The following VGLL3 variants were observed in gnomAD, a reference collection of about 807,000 sequenced individuals.
VGLL3 encodes vestigial like family member 3.
In VGLL3, 18 loss-of-function variants were observed where a neutral mutation model predicts 29.2. The observed-to-expected ratio is 0.62, with a 90% confidence interval of 0.43 to 0.91. VGLL3 has a LOEUF of 0.91. Ranked by LOEUF, VGLL3 falls within the 40% of genes least tolerant of loss-of-function variation. VGLL3 has a pLI of 0.00. For synonymous variants in VGLL3, 180 were observed against 151.8 expected (o/e 1.19, Z -1.36); for missense variants, 440 against 413.2 (o/e 1.06, Z -0.56).
chr3:86,940,536 T>A lies in VGLL3; in HGVS notation c.*6488A>T, dbSNP rs1575853889. ...TAAGATGTTGTAATTTCCAAAATAT[T>A]TATAAGATGCTTAATTGAATAAGGA... is the stretch of plus-strand genomic sequence containing the variant. On this transcript the variant is annotated 3_prime_UTR_variant, in exon 4 of 4. Transcript: ENST00000398399. 1 of 152,514 alleles carries A rather than the reference T, an allele frequency of 6.6e-6. No individual in the cohort carries two copies. Among genetic ancestry groups the A allele is most frequent in the Non-Finnish European group, 1.5e-5 (1 of 67,986 alleles). 9.4% of individuals were successfully genotyped at this position (152,514 alleles called of 1,614,324 possible). A position where few individuals can be genotyped will look rare whatever the true frequency, so the allele number is the denominator to read the frequency against.
At chr3:86,975,878 G>A (rs548693782) in intron 2 of VGLL3, among the ~76,000 whole-genome samples, 15 of 152,090 alleles carry the variant, frequency 9.9e-5, no homozygotes, top group South Asian at 2.1e-4. Context: ...TTGGGAGGCC[G>A]AGGCGGGCAG....
At chr3:86,962,003 A>G in intron 3 of VGLL3, 1 of 983,696 alleles carries the variant, frequency 1.0e-6, no homozygotes, top group Non-Finnish European at 1.2e-6. Flanking sequence ...CAATGTAAAT[A>G]AATTCATTTG....
chr3:86,967,508 C>T (rs557960907), intron 3 of VGLL3, among the ~76,000 whole-genome samples: 5 of 152,206 alleles, frequency 3.3e-5, no homozygotes, highest in East Asian at 3.9e-4. Flanking sequence ...AAAATAAGAA[C>T]GTTCCACTCA....
In VGLL3 at chr3:86,938,199, T is replaced by A. The variant is rs780070266; in HGVS notation, c.*8825A>T. 3.9e-5 allele frequency: 6 copies of A among 152,218 alleles called. No homozygotes were observed. The highest frequency in any genetic ancestry group is 7.3e-5 in the Non-Finnish European group (5 of 68,048). The allele number at this position is 152,218 out of a possible 1,614,324, so 9.4% of individuals were successfully genotyped here. On this transcript the variant is annotated 3_prime_UTR_variant, in exon 4 of 4. Coordinates refer to ENST00000398399, the MANE Select transcript of VGLL3 (RefSeq NM_016206.4). Reference sequence around the variant, plus strand: ...ATATTTAAGGTATACGATATGATGATTTGATATAGGTAAACATTGTGTAAT... The same window carrying A: ...ATATTTAAGGTATACGATATGATGAATTGATATAGGTAAACATTGTGTAAT...
chr3:86,942,418 A>G lies in VGLL3; in HGVS notation c.*4606T>C, dbSNP rs527743610. The G allele has an allele frequency of 5.3e-5, 8 of 151,516 alleles. No individual in the cohort carries two copies. The highest frequency in any genetic ancestry group is 2.6e-4 in the Admixed American group (4 of 15,196). The allele number at this position is 151,516 out of a possible 1,614,324, so 9.4% of individuals were successfully genotyped here. A position where few individuals can be genotyped will look rare whatever the true frequency, so the allele number is the denominator to read the frequency against. Reference sequence around the variant, plus strand: ...TTTCTTTTTTTCCTTGAGTAGAGTAAATCTGCTGACTGAGATCGTAAATGG... The same window carrying G: ...TTTCTTTTTTTCCTTGAGTAGAGTAGATCTGCTGACTGAGATCGTAAATGG... On this transcript the variant is annotated 3_prime_UTR_variant, in exon 4 of 4. Transcript: ENST00000398399.
At chr3:86,949,447 T>C (rs1407192775) in intron 3 of VGLL3, among the ~76,000 whole-genome samples, 2 of 152,172 alleles carry the variant, frequency 1.3e-5, no homozygotes, top group African/African-American at 4.8e-5. Context: ...CAGGCATTCA[T>C]ATTTGTAAAT....
At chr3:86,980,976 G>A (rs2107057308) in intron 1 of VGLL3, among the ~76,000 whole-genome samples, 1 of 152,232 alleles carries the variant, frequency 6.6e-6, no homozygotes, top group Non-Finnish European at 1.5e-5. Flanking sequence ...GTGGGGCTTT[G>A]CATATAAATG....
At chr3:86,959,470 A>G (rs965417975) in intron 3 of VGLL3, among the ~76,000 whole-genome samples, 5 of 152,176 alleles carry the variant, frequency 3.3e-5, no homozygotes, top group Admixed American at 1.3e-4. Flanking sequence ...TTAGTTGAGC[A>G]TCTACAATAT....
At chr3:86,964,553 T>C (rs545886658) in intron 3 of VGLL3, among the ~76,000 whole-genome samples, 1 of 152,298 alleles carries the variant, frequency 6.6e-6, no homozygotes, top group Non-Finnish European at 1.5e-5. Context: ...CCCAAGGTGA[T>C]GGTATAAGAA....
intron 1 of VGLL3, chr3:86,990,412 C>T (rs987623197): frequency 1.0e-6 from 1 of 983,588 alleles, no homozygotes; most frequent in African/African-American, 1.7e-5. Context: ...ATGAAGCCCC[C>T]AGCTAGGTCA....
At chr3:86,966,815 A>G (rs983817302) in intron 3 of VGLL3, among the ~76,000 whole-genome samples, 3 of 122,000 alleles carry the variant, frequency 2.5e-5, no homozygotes, top group African/African-American at 9.5e-5. Context: ...ATATATATAT[A>G]TATATATATA....
At chr3:86,950,048 T>C (rs1272450577) in intron 3 of VGLL3, among the ~76,000 whole-genome samples, 2 of 152,236 alleles carry the variant, frequency 1.3e-5, no homozygotes, top group East Asian at 1.9e-4. Flanking sequence ...CAGAACAAAA[T>C]CCACTCTGCT....
intron 2 of VGLL3, among the ~76,000 whole-genome samples, chr3:86,973,654 TC>T (rs1270474192): frequency 6.6e-6 from 1 of 152,206 alleles, no homozygotes; most frequent in Non-Finnish European, 1.5e-5. Flanking sequence ...CTCACTTTTT[TC>T]CCCATGTCTT....
intron 1 of VGLL3, chr3:86,990,239 C>A (rs1162672384): frequency 1.1e-6 from 1 of 928,800 alleles, no homozygotes; most frequent in Non-Finnish European, 1.3e-6. Flanking sequence ...ATCAATAAAA[C>A]CCTGAAACAT....
rs1466241032 is a variant in VGLL3, at chr3:86,968,883, A to G, written c.644T>C (p.Val215Ala). 3.7e-6 allele frequency: 6 copies of G among 1,614,136 alleles called. No individual in the cohort carries two copies. Among genetic ancestry groups the G allele is most frequent in the South Asian group, 1.1e-5 (1 of 91,086 alleles). ...ATGCATATGGCTGTAGGATGGGCTC[A>G]CCTGAGATGTCAAAGGATAAGGCCA... ...ESWPYPLTSQ[V>A]SPSYSHMHDV... Residue 215 changes from valine (V) to alanine (A), a missense_variant, in exon 3 of 4, where the codon GTG becomes GCG. Transcript: ENST00000398399.
At chr3:86,990,443 C>T in intron 1 of VGLL3, 175 bp downstream of exon 1, 1 of 978,460 alleles carries the variant, frequency 1.0e-6, no homozygotes, top group Non-Finnish European at 1.2e-6. Context: ...ACCCGTCCAC[C>T]CTGCTGCTCT....
chr3:86,964,515 A>C (rs1262302069), intron 3 of VGLL3, among the ~76,000 whole-genome samples: 11 of 152,194 alleles, frequency 7.2e-5, no homozygotes, highest in African/African-American at 2.4e-4. Context: ...CTCCCCTCCA[A>C]ATAAATTCAG....
chr3:86,977,737 G>A lies in VGLL3; in HGVS notation c.403+789C>T, dbSNP rs1376750750. On this transcript the variant is annotated intron_variant, in intron 2 of 3. Coordinates refer to ENST00000398399, the MANE Select transcript of VGLL3 (RefSeq NM_016206.4). The stretch of plus-strand genomic sequence containing the variant: ...CCTGGTCAGGAAAATCACACCTCGA[G>A]AACCATTTTACTAGATCATTCCTAT... Among the ~76,000 whole-genome samples the A allele has an allele frequency of 2.6e-5, 4 of 152,272 alleles. No homozygotes were observed. The South Asian group carries it at 8.3e-4, about 32-fold the overall frequency.
chr3:86,979,394 G>T (rs1288245423), intron 1 of VGLL3, among the ~76,000 whole-genome samples: 1 of 152,162 alleles, frequency 6.6e-6, no homozygotes, highest in Non-Finnish European at 1.5e-5. Context: ...GATGCATTTT[G>T]CATGGAACAT....
Sources: gnomAD v4.1 joint callset for allele counts (sites outside exome capture counted in the v4.1 genomes callset) on GRCh38, gnomAD v4.1.1 for gene constraint, MANE v1.5 for transcripts, NCBI Gene and HGNC (gene_info 2026-07-23, HGNC 2026-07-21) for gene names.